Variants in ZNF280C observed in about 807,000 individuals in gnomAD.
The protein encoded by ZNF280C is suppressor of hairy wing homolog 3.
In ZNF280C, 14 loss-of-function variants were observed where a neutral mutation model predicts 53.6. The observed-to-expected ratio is 0.26, with a 90% CI of 0.17 to 0.41. The LOEUF (loss-of-function observed/expected upper bound fraction) is 0.41. Ranked by LOEUF, ZNF280C falls within the 10% of genes least tolerant of loss-of-function variation. The pLI is 1.00. For synonymous variants in ZNF280C, 203 were observed against 181.1 expected (o/e 1.12, Z -0.97); for missense variants, 416 against 547.1 (o/e 0.76, Z 2.39).
intron 16 of ZNF280C, among the ~76,000 whole-genome samples, chrX:130,207,786 A>G (rs1292150171): frequency 8.9e-6 from 1 of 111,997 alleles, no homozygotes; most frequent in East Asian, 2.8e-4. Flanking sequence ...CTGAACTTTT[A>G]TTCATGTTAT....
chrX:130,238,202 G>T (rs894413096), intron 6 of ZNF280C, among the ~76,000 whole-genome samples: 1 of 111,151 alleles, frequency 9.0e-6, no homozygotes, highest in Non-Finnish European at 1.9e-5. Context: ...ATATTATCAT[G>T]CATGATTATC....
intron 16 of ZNF280C, 109 bp downstream of exon 16, chrX:130,209,544 G>T: frequency 2.8e-6 from 2 of 719,797 alleles, no homozygotes; most frequent in Non-Finnish European, 4.3e-6. Context: ...TTGGTCCAAG[G>T]ACATAATAAA....
At chrX:130,217,824 A>C (rs935656570) in intron 13 of ZNF280C, among the ~76,000 whole-genome samples, 2 of 112,438 alleles carry the variant, frequency 1.8e-5, no homozygotes, top group Non-Finnish European at 3.7e-5. Flanking sequence ...ATTAGGAGTA[A>C]AAATTAGATA....
chrX:130,233,622 CAAAAA>C (rs35420272), intron 8 of ZNF280C, among the ~76,000 whole-genome samples: 1 of 52,827 alleles, frequency 1.9e-5, no homozygotes, highest in Admixed American at 2.4e-4. Context: ...AACTCTGTCT[CAAAAA>C]AAAAAAAAAA....
intron 13 of ZNF280C, among the ~76,000 whole-genome samples, chrX:130,217,375 T>C (rs531247): frequency 0.5 from 55,921 of 110,997 alleles, 10,847 homozygotes; most frequent in African/African-American, 0.72. Flanking sequence ...ACTCAATTTA[T>C]ATGAAACGTC....
Position 130,229,096 on chromosome X carries a change from T to C in ZNF280C, c.1028A>G (p.Lys343Arg), listed in dbSNP as rs142979851. ...GTTTTCCCAGCTTTCATTGTTCTGC[T>C]TCTCAAGTTCCAAGTGATGTTTCAT... ...NHMKHHLELE[K>R]QNNESWENHT... The change falls in exon 10 of 19, where the codon AAG becomes AGG. Residue 343 changes from lysine (K) to arginine (R), a missense_variant. Lys to Arg is a conservative substitution (Grantham distance 26, BLOSUM62 2). Around this residue, in one of 3 missense-constraint regions of ZNF280C, gnomAD observed 72 missense variants for 168.8 expected, o/e 0.43. Coordinates refer to ENST00000370978, the MANE Select transcript of ZNF280C (RefSeq NM_017666.5). 3.3e-5 allele frequency: 40 copies of C among 1,206,633 alleles called. No individual in the cohort carries two copies. The African/African-American group carries it at 5.6e-4, about 17-fold the overall frequency.
Position 130,243,668 on chromosome X carries a change from T to C in ZNF280C, c.276A>G (p.Gln92=). The part of the protein sequence containing the change: ...GIPEIFRTAS[Q]RCRDPPSNPV... ...GATTTGATGGTGGGTCTCTGCAGCG[T>C]TGACTTGCAGTCCTGAATATTTCAG... Residue 92 remains glutamine, a synonymous_variant, in exon 5 of 19, where the codon CAA becomes CAG. Transcript: ENST00000370978. 8.3e-7 allele frequency: 1 copy of C among 1,210,905 alleles called. No individual in the cohort carries two copies. Among genetic ancestry groups the C allele is most frequent in the South Asian group, 1.8e-5 (1 of 56,799 alleles).
chrX:130,232,913 C>T (rs796379212), intron 8 of ZNF280C, among the ~76,000 whole-genome samples: 2 of 111,475 alleles, frequency 1.8e-5, no homozygotes, highest in Non-Finnish European at 3.8e-5. Flanking sequence ...CAGGGTTATT[C>T]ATAATAGCCA....
chrX:130,249,090 T>C (rs946231423), intron 2 of ZNF280C, among the ~76,000 whole-genome samples: 2 of 111,080 alleles, frequency 1.8e-5, no homozygotes, highest in African/African-American at 6.6e-5. Flanking sequence ...CAGAGAACAG[T>C]GGACCCTCCC....
intron 2 of ZNF280C, among the ~76,000 whole-genome samples, chrX:130,251,789 A>T (rs1272053965): frequency 5.3e-5 from 2 of 37,466 alleles, no homozygotes; most frequent in African/African-American, 4.3e-4. Context: ...ACTTCGTCTG[A>T]AAAAAAAAAA....
At chrX:130,235,332 T>C (rs1319056974) in intron 8 of ZNF280C, among the ~76,000 whole-genome samples, 1 of 111,867 alleles carries the variant, frequency 8.9e-6, no homozygotes, top group Admixed American at 9.5e-5. Flanking sequence ...CTGGCCAACA[T>C]GGCAAAACCC....
chrX:130,218,446 C>G (rs2032127792), intron 13 of ZNF280C, among the ~76,000 whole-genome samples: 1 of 111,478 alleles, frequency 9.0e-6, no homozygotes, highest in African/African-American at 3.3e-5. Context: ...TTATCATTTA[C>G]TATTTGGAAA....
At chrX:130,210,524 T>C (rs1293030652) in intron 15 of ZNF280C, among the ~76,000 whole-genome samples, 5 of 112,284 alleles carry the variant, frequency 4.5e-5, no homozygotes, top group Non-Finnish European at 9.4e-5. Context: ...TTAATCTTAA[T>C]ATGTTTGGGG....
At chrX:130,239,858 T>C (rs183875353) in intron 5 of ZNF280C, among the ~76,000 whole-genome samples, 165 bp from the exon 6 acceptor site, 26 of 111,408 alleles carry the variant, frequency 2.3e-4, no homozygotes, top group Non-Finnish European at 1.1e-4. Flanking sequence ...GTGAGGAGTA[T>C]ATGGGAACTC....
At chrX:130,230,449 C>T (rs1189365812) in intron 9 of ZNF280C, 61 bp downstream of exon 9, 1 of 776,278 alleles carries the variant, frequency 1.3e-6, no homozygotes, top group Non-Finnish European at 1.9e-6. Flanking sequence ...TGTAAAGATA[C>T]TATATTCTTA....
chrX:130,264,043 A>AAAAGAAAGAAAGAAAGAAAGAAAG (rs766511417), intron 1 of ZNF280C, among the ~76,000 whole-genome samples: 4 of 103,007 alleles, frequency 3.9e-5, no homozygotes, highest in African/African-American at 1.1e-4. Context: ...AAAAAAAAAG[A>AAAAGAAAGAAAGAAAGAAAGAAAG]AAAGAAAGAA....
intron 10 of ZNF280C, among the ~76,000 whole-genome samples, chrX:130,228,438 C>T (rs1754506472): frequency 9.2e-6 from 1 of 108,974 alleles, no homozygotes; most frequent in South Asian, 4.0e-4. Context: ...CGTGCGCCAC[C>T]TTGCCTGGCT....
intron 2 of ZNF280C, among the ~76,000 whole-genome samples, chrX:130,257,441 T>C (rs770310392): frequency 9.0e-6 from 1 of 111,529 alleles, no homozygotes; most frequent in East Asian, 2.8e-4. Context: ...TGAGAGATGC[T>C]TAAAAGGAAG....
chrX:130,229,399 CATT>C (rs779535945), intron 9 of ZNF280C, among the ~76,000 whole-genome samples: 40 of 111,523 alleles, frequency 3.6e-4, no homozygotes, highest in African/African-American at 1.2e-3. Flanking sequence ...AACACTATAT[CATT>C]ATTTTAGATT....
Sources: allele counts gnomAD v4.1 joint callset (sites outside exome capture counted in the v4.1 genomes callset), GRCh38; gene constraint gnomAD v4.1.1; regional missense constraint gnomAD v4.1.1; transcripts MANE v1.5; gene names NCBI Gene and HGNC (gene_info 2026-07-23, HGNC 2026-07-21).